Variants in SNPH observed in about 807,000 individuals in gnomAD.
The protein encoded by SNPH is syntaphilin.
In SNPH, 10 loss-of-function variants were observed where a neutral mutation model predicts 36.8. That is an observed-to-expected ratio of 0.27 (90% CI 0.17 to 0.46). The LOEUF (loss-of-function observed/expected upper bound fraction) is 0.46. SNPH is among the 20% of genes least tolerant of loss of function. The pLI is 1.00. For missense variants in SNPH, 622 were observed against 744.0 expected, an observed-to-expected ratio of 0.84 and a Z score of 1.91; for synonymous variants, 281 against 312.2, an observed-to-expected ratio of 0.90 and a Z score of 1.05.
At chr20:1,268,526 G>A (rs1374788976) in intron 2 of SNPH, among the ~76,000 whole-genome samples, 1 of 152,116 alleles carries the variant, frequency 6.6e-6, no homozygotes, top group Non-Finnish European at 1.5e-5. Context: ...CCTGCCTTTT[G>A]ACAGCATGAT....
chr20:1,301,461 G>C (rs1284085921), intron 6 of SNPH, among the ~76,000 whole-genome samples: 1 of 151,952 alleles, frequency 6.6e-6, no homozygotes, highest in Non-Finnish European at 1.5e-5. Flanking sequence ...TGTGGGGCTG[G>C]AGCTCAGAGC....
chr20:1,278,104 G>A (rs988198966), intron 2 of SNPH, among the ~76,000 whole-genome samples: 3 of 145,468 alleles, frequency 2.1e-5, no homozygotes, highest in African/African-American at 8.2e-5. Flanking sequence ...CTATGTGTGT[G>A]TCTGTTTGTG....
chr20:1,305,508 C>T lies in SNPH; in HGVS notation c.1071C>T (p.Ala357=). 6.2e-7 allele frequency: 1 copy of T among 1,613,242 alleles called. No homozygotes were observed. Among genetic ancestry groups the T allele is most frequent in the South Asian group, 1.1e-5 (1 of 91,078 alleles). The change falls in exon 7 of 7, where the codon GCC becomes GCT. Residue 357 remains alanine (A), a synonymous_variant. Coordinates refer to ENST00000381867, the MANE Select transcript of SNPH (RefSeq NM_001318234.2). ...GVQASCMQER[A]IQTDFVQYQP... ...AGGCCAGCTGCATGCAGGAGCGTGCCATCCAGACAGACTTCGTGCAGTACC... is the reference window on the plus strand; with the variant it reads ...AGGCCAGCTGCATGCAGGAGCGTGCTATCCAGACAGACTTCGTGCAGTACC...
At chr20:1,291,195 G>A (rs2088356991) in intron 2 of SNPH, among the ~76,000 whole-genome samples, 1 of 152,216 alleles carries the variant, frequency 6.6e-6, no homozygotes, top group African/African-American at 2.4e-5. Context: ...CTGGTTGCCT[G>A]GGGAAGCTTC....
Position 1,305,982 on chromosome 20 carries a change from C to T in SNPH, c.1545C>T (p.Ser515=). The part of the protein sequence containing the change: ...LRGCCTVALH[S]IRRISCRSLS... The stretch of plus-strand genomic sequence containing the variant: ...GCTGCTGCACTGTGGCCTTGCACTC[C>T]ATCCGCAGGATCAGCTGCCGCTCGC... The change falls in exon 7 of 7, where the codon TCC becomes TCT. Residue 515 remains serine, a synonymous_variant. Transcript: ENST00000381867. The T allele has an allele frequency of 6.5e-7, 1 of 1,546,436 alleles. No individual in the cohort carries two copies. The highest frequency in any genetic ancestry group is 8.7e-7 in the Non-Finnish European group (1 of 1,145,876).
intron 2 of SNPH, among the ~76,000 whole-genome samples, chr20:1,275,015 G>A (rs2122246923): frequency 6.6e-6 from 1 of 152,314 alleles, no homozygotes; most frequent in South Asian, 2.1e-4. Flanking sequence ...CACCTCTTCT[G>A]TGAGGCAAGT....
chr20:1,277,873 CTG>C (rs1490638402), intron 2 of SNPH, among the ~76,000 whole-genome samples: 1 of 94,538 alleles, frequency 1.1e-5, no homozygotes, highest in Admixed American at 1.1e-4. Flanking sequence ...GCCTGTGTGT[CTG>C]TCTGTGCCGA....
chr20:1,274,738 G>A (rs1485199991), intron 2 of SNPH, among the ~76,000 whole-genome samples: 2 of 152,174 alleles, frequency 1.3e-5, no homozygotes, highest in African/African-American at 4.8e-5. Context: ...AGTCTGGCTA[G>A]GCCATCGGTC....
In SNPH at chr20:1,306,358, G is replaced by T; in HGVS notation, c.*304G>T. 1 of 305,046 alleles carries T rather than the reference G, an allele frequency of 3.3e-6. No individual in the cohort carries two copies. Among genetic ancestry groups the T allele is most frequent in the Non-Finnish European group, 6.0e-6 (1 of 167,870 alleles). 18.9% of individuals were successfully genotyped at this position (305,046 alleles called of 1,614,324 possible). ...CTCTGTCCCCTTGGCTCTTCAGACAGGGCCAGCCCTGCTCAGGAAGTCTCT... is the reference window on the plus strand; with the variant it reads ...CTCTGTCCCCTTGGCTCTTCAGACATGGCCAGCCCTGCTCAGGAAGTCTCT... On this transcript the variant is annotated 3_prime_UTR_variant, in exon 7 of 7. Transcript: ENST00000381867.
In SNPH at chr20:1,306,052, T is replaced by C. The variant is rs1456093530; in HGVS notation, c.1615T>C (p.Ter539ArgextTer14). The stretch of plus-strand genomic sequence containing the variant: ...CCCAGCGGGCGGCGGCTCCCAGCTC[T>C]GAGGGGGCCCATTCTGGCAGCGGCG... ...PSPAGGGSQL[*>R] Residue 539 changes from the stop codon to arginine, a stop_lost, in exon 7 of 7, where the codon TGA becomes CGA. Transcript: ENST00000381867. The C allele has an allele frequency of 1.2e-5, 17 of 1,454,290 alleles. No homozygotes were observed. The highest frequency in any genetic ancestry group is 1.5e-5 in the Non-Finnish European group (17 of 1,105,534). The allele number at this position is 1,454,290 out of a possible 1,614,324, so 90.1% of individuals were successfully genotyped here. A position where few individuals can be genotyped will look rare whatever the true frequency, so the allele number is the denominator to read the frequency against.
intron 6 of SNPH, among the ~76,000 whole-genome samples, chr20:1,302,756 C>G (rs1335142078): frequency 6.6e-6 from 1 of 152,258 alleles, no homozygotes; most frequent in Non-Finnish European, 1.5e-5. Context: ...TTCTTGACCA[C>G]AGCTCTGCCA....
chr20:1,281,517 T>G (rs1360932439), intron 2 of SNPH, among the ~76,000 whole-genome samples: 2 of 152,242 alleles, frequency 1.3e-5, no homozygotes, highest in African/African-American at 4.8e-5. Context: ...CCTATGCCCC[T>G]ACACTGTGTG....
At chr20:1,277,888 T>A (rs969126260) in intron 2 of SNPH, among the ~76,000 whole-genome samples, 3 of 149,830 alleles carry the variant, frequency 2.0e-5, no homozygotes, top group Admixed American at 2.0e-4. Context: ...TGTGCCGATG[T>A]GTCTGTGTAT....
At chr20:1,298,141 A>G (rs1481699693) in intron 5 of SNPH, among the ~76,000 whole-genome samples, 1 of 151,850 alleles carries the variant, frequency 6.6e-6, no homozygotes, top group African/African-American at 2.4e-5. Context: ...GGGAACGAGC[A>G]TAGGCTCTGG....
intron 2 of SNPH, among the ~76,000 whole-genome samples, chr20:1,281,274 C>T (rs569426297): frequency 2.0e-5 from 3 of 152,274 alleles, no homozygotes; most frequent in South Asian, 2.1e-4. Context: ...CTATAGCCTT[C>T]GTTAAAACGT....
At chr20:1,279,127 C>G (rs2088185782) in intron 2 of SNPH, among the ~76,000 whole-genome samples, 1 of 152,164 alleles carries the variant, frequency 6.6e-6, no homozygotes, top group Non-Finnish European at 1.5e-5. Flanking sequence ...ATATATGTAA[C>G]TTTTTACTGC....
rs866714732 is a variant in SNPH, at chr20:1,290,460, G to A, written c.-492-4491G>A. On this transcript the variant is annotated intron_variant, in intron 2 of 6. Coordinates refer to ENST00000381867, the MANE Select transcript of SNPH (RefSeq NM_001318234.2). Reference sequence around the variant, plus strand: ...TGCAATATGCGGCCTTTCGTATCTGGCTTCTTTCATTTAGCATAATGTTGT... The same window carrying A: ...TGCAATATGCGGCCTTTCGTATCTGACTTCTTTCATTTAGCATAATGTTGT... Among the ~76,000 whole-genome samples the A allele has an allele frequency of 3.4e-4, 51 of 152,176 alleles. 1 individual carries two copies. The highest frequency in any genetic ancestry group is 1.2e-3 in the African/African-American group (48 of 41,444).
Position 1,296,166 on chromosome 20 carries a change from C to T in SNPH, c.-74C>T. On this transcript the variant is annotated 5_prime_UTR_variant, in exon 4 of 7. Coordinates refer to ENST00000381867, the MANE Select transcript of SNPH (RefSeq NM_001318234.2). The stretch of plus-strand genomic sequence containing the variant: ...ACCTGTGCACCAGCCCTATTCAATT[C>T]ACTGGTGGAGGCAGCCGTGGTCTGC... The T allele has an allele frequency of 7.7e-7, 1 of 1,306,844 alleles. No individual in the cohort carries two copies. The highest frequency in any genetic ancestry group is 1.0e-6 in the Non-Finnish European group (1 of 977,762). The allele number at this position is 1,306,844 out of a possible 1,614,324, so 81.0% of individuals were successfully genotyped here.
intron 2 of SNPH, among the ~76,000 whole-genome samples, chr20:1,270,952 A>G (rs2088065727): frequency 6.6e-6 from 1 of 152,220 alleles, no homozygotes; most frequent in South Asian, 2.1e-4. Flanking sequence ...TTTGATGGGC[A>G]GCTGGTGCTG....
Sources: gnomAD v4.1 joint callset for allele counts (sites outside exome capture counted in the v4.1 genomes callset) on GRCh38, gnomAD v4.1.1 for gene constraint, MANE v1.5 for transcripts, NCBI Gene and HGNC (gene_info 2026-07-23, HGNC 2026-07-21) for gene names.